IQGAP1: variants seen among roughly 807,000 people sequenced by gnomAD.
IQGAP1 encodes IQ motif containing GTPase activating protein 1, also known as ras GTPase-activating-like protein IQGAP1.
In IQGAP1, 66 loss-of-function variants were observed where a neutral mutation model predicts 215.6. The observed-to-expected ratio is 0.31, with a 90% CI of 0.25 to 0.38. The LOEUF (loss-of-function observed/expected upper bound fraction) is 0.38. Ranked by LOEUF, IQGAP1 falls within the 10% of genes least tolerant of loss-of-function variation. The probability of loss-of-function intolerance (pLI) is 1.00; values close to 1 mark genes in which losing one functional copy is unlikely to be tolerated. For missense variants in IQGAP1, 1,712 were observed against 1,997.1 expected (o/e 0.86, Z 2.72); for synonymous variants, 772 against 728.7 (o/e 1.06, Z -0.96).
Position 90,448,643 on chromosome 15 carries a change from G to GCTGTT in IQGAP1, c.985_986insTGTTC (p.Gln329LeufsTer21), listed in dbSNP as rs1388533941. The GCTGTT allele has an allele frequency of 1.2e-6, 2 of 1,612,064 alleles. No homozygotes were observed. The highest frequency in any genetic ancestry group is 2.7e-5 in the African/African-American group (2 of 74,838). On this transcript the variant is annotated frameshift_variant, in exon 10 of 38. Coordinates refer to ENST00000268182, the MANE Select transcript of IQGAP1 (RefSeq NM_003870.4). LOFTEE classifies it high-confidence loss of function. ...ATGCACTGGCCTTGTTCAGGGCTCTGCAGTCACCAGCCCTGGGGCTTCGAG... is the reference window on the plus strand; with the variant it reads ...ATGCACTGGCCTTGTTCAGGGCTCTGCTGTTCAGTCACCAGCCCTGGGGCTTCGAG...
chr15:90,395,058 A>T (rs1964693353), intron 2 of IQGAP1, among the ~76,000 whole-genome samples: 1 of 152,214 alleles, frequency 6.6e-6, no homozygotes, highest in Non-Finnish European at 1.5e-5. Context: ...CCTATAAATG[A>T]GCACTGGGAG....
intron 9 of IQGAP1, among the ~76,000 whole-genome samples, chr15:90,444,595 T>C (rs1025368944): frequency 1.3e-5 from 2 of 152,236 alleles, no homozygotes; most frequent in South Asian, 4.1e-4. Flanking sequence ...CCAAAACATA[T>C]TTAAACAAAA....
At chr15:90,392,464 G>A (rs1372703886) in intron 2 of IQGAP1, among the ~76,000 whole-genome samples, 1 of 152,210 alleles carries the variant, frequency 6.6e-6, no homozygotes, top group Non-Finnish European at 1.5e-5. Context: ...TGTGCTCTGT[G>A]GAGCTTTGGT....
chr15:90,441,431 C>T, intron 7 of IQGAP1, 75 bp from the exon 8 acceptor site: 3 of 1,309,530 alleles, frequency 2.3e-6, no homozygotes, highest in South Asian at 2.7e-5. Context: ...ATGTTGCTTT[C>T]TGTTGTGATA....
intron 36 of IQGAP1, chr15:90,496,865 C>G (rs537949736): frequency 4.9e-5 from 8 of 164,834 alleles, no homozygotes; most frequent in African/African-American, 1.9e-4. Context: ...TACACCCTCT[C>G]CTTCCCCAGT....
chr15:90,449,642 A>G lies in IQGAP1; in HGVS notation c.1161A>G (p.Arg387=). Residue 387 remains arginine, a splice_region_variant and synonymous_variant, in exon 11 of 38, where the codon AGA becomes AGG. Transcript: ENST00000268182. ...AANSAAQQYQ[R]RLAAVALINA... Reference sequence around the variant, plus strand: ...ACAGTGCTGCCCAGCAATATCAGAGAAGTAAGAGTCCATTGAAATTGTATG... The same window carrying G: ...ACAGTGCTGCCCAGCAATATCAGAGGAGTAAGAGTCCATTGAAATTGTATG... 2 of 1,609,302 alleles carry G rather than the reference A, an allele frequency of 1.2e-6. No individual in the cohort carries two copies. The highest frequency in any genetic ancestry group is 8.5e-7 in the Non-Finnish European group (1 of 1,177,492).
rs117029229 is a variant in IQGAP1, at chr15:90,479,336, A to G, written c.3329+1447A>G. 4.6e-3 allele frequency among the ~76,000 whole-genome samples: 701 copies of G among 152,210 alleles called. 3 individuals carry two copies. The highest frequency in any genetic ancestry group is 0.014 in the Middle Eastern group (4 of 294). Reference sequence around the variant, plus strand: ...TCAGTTTGTAGACTGGCACTGGTCCACACTTTGAATAACACTATTCTTCAT... The same window carrying G: ...TCAGTTTGTAGACTGGCACTGGTCCGCACTTTGAATAACACTATTCTTCAT... On this transcript the variant is annotated intron_variant, in intron 26 of 37. Coordinates refer to ENST00000268182, the MANE Select transcript of IQGAP1 (RefSeq NM_003870.4).
Position 90,441,543 on chromosome 15 carries a change from C to T in IQGAP1, c.687C>T (p.Asp229=). The change falls in exon 8 of 38, where the codon GAC becomes GAT. Residue 229 remains aspartate, a synonymous_variant. Coordinates refer to ENST00000268182, the MANE Select transcript of IQGAP1 (RefSeq NM_003870.4). ...TTATTGCTATTAATGAAGCTATTGA[C>T]CGTAGAATTCCAGCCGACACATTTG... The part of the protein sequence containing the change: ...AAVIAINEAI[D]RRIPADTFAA... 1 of 1,613,240 alleles carries T rather than the reference C, an allele frequency of 6.2e-7. No individual in the cohort carries two copies. Among genetic ancestry groups the T allele is most frequent in the Non-Finnish European group, 8.5e-7 (1 of 1,179,828 alleles).
chr15:90,389,145 T>C (rs1015874699), intron 1 of IQGAP1, among the ~76,000 whole-genome samples: 1 of 152,150 alleles, frequency 6.6e-6, no homozygotes, highest in Non-Finnish European at 1.5e-5. Flanking sequence ...CGTGAGGTAT[T>C]GTGCCACGTT....
chr15:90,473,813 A>G lies in IQGAP1; in HGVS notation c.2433+15A>G. 1 of 1,612,358 alleles carries G rather than the reference A, an allele frequency of 6.2e-7. No homozygotes were observed. Among genetic ancestry groups the G allele is most frequent in the Non-Finnish European group, 8.5e-7 (1 of 1,179,058 alleles). Reference sequence around the variant, plus strand: ...AAGTTGTAAAGGTATGGTAGCCTGAACAGGGTTTCTCCATGAGGGGCACAG... The same window carrying G: ...AAGTTGTAAAGGTATGGTAGCCTGAGCAGGGTTTCTCCATGAGGGGCACAG... On this transcript the variant is annotated intron_variant, in intron 20 of 37. Transcript: ENST00000268182.
At chr15:90,426,768 C>T (rs1403024494) in intron 3 of IQGAP1, among the ~76,000 whole-genome samples, 1 of 151,926 alleles carries the variant, frequency 6.6e-6, no homozygotes, top group African/African-American at 2.4e-5. Flanking sequence ...GCCTGACCAA[C>T]ATGGTGAAAC....
At chr15:90,391,828 T>A (rs1964640103) in intron 2 of IQGAP1, 1 of 152,198 alleles carries the variant, frequency 6.6e-6, no homozygotes, top group Non-Finnish European at 1.5e-5. Flanking sequence ...TAATTATAGA[T>A]CATGTATTCT....
At chr15:90,428,518 C>A (rs1195915875) in intron 3 of IQGAP1, among the ~76,000 whole-genome samples, 3 of 151,960 alleles carry the variant, frequency 2.0e-5, no homozygotes, top group Non-Finnish European at 2.9e-5. Flanking sequence ...GTGGCTCATG[C>A]CTGTAATCCC....
chr15:90,406,332 A>G (rs1337524711), intron 2 of IQGAP1, among the ~76,000 whole-genome samples: 1 of 152,162 alleles, frequency 6.6e-6, no homozygotes, highest in African/African-American at 2.4e-5. Context: ...ACGCCTGGCA[A>G]TTTTTTGTAT....
chr15:90,470,612 C>T (rs1370118670), intron 18 of IQGAP1, among the ~76,000 whole-genome samples: 1 of 152,112 alleles, frequency 6.6e-6, no homozygotes, highest in Non-Finnish European at 1.5e-5. Flanking sequence ...TCTGGCCTCA[C>T]CTACATTCAT....
intron 2 of IQGAP1, among the ~76,000 whole-genome samples, chr15:90,410,778 G>T (rs1376002250): frequency 6.6e-6 from 1 of 150,942 alleles, no homozygotes; most frequent in Non-Finnish European, 1.5e-5. Flanking sequence ...CACCAACATG[G>T]CACGTGTATA....
chr15:90,472,509 T>C (rs1965920140), intron 18 of IQGAP1, among the ~76,000 whole-genome samples: 2 of 152,170 alleles, frequency 1.3e-5, no homozygotes, highest in South Asian at 4.1e-4. Flanking sequence ...TGGGTACCTG[T>C]CACTCTGTTC....
rs1467544298 is a variant in IQGAP1 at position 90,429,633 on chromosome 15, G to T, written c.357G>T (p.Trp119Cys). Residue 119 changes from tryptophan to cysteine, a missense_variant, in exon 4 of 38, where the codon TGG (tryptophan) becomes TGT (cysteine). Around this residue, in one of 2 missense-constraint regions of IQGAP1, gnomAD observed 1,021 missense variants for 1,074.2 expected, o/e 0.95. Transcript: ENST00000268182. ...HFRHTDNVIQ[W>C]LNAMDEIGLP... The stretch of plus-strand genomic sequence containing the variant: ...GACACACTGATAATGTGATTCAGTG[G>T]TTGAATGCCATGGATGAGATTGGAT... 1 of 1,608,932 alleles carries T rather than the reference G, an allele frequency of 6.2e-7. No individual in the cohort carries two copies. The highest frequency in any genetic ancestry group is 8.5e-7 in the Non-Finnish European group (1 of 1,178,498).
chr15:90,431,808 C>G (rs1965307422), intron 4 of IQGAP1, among the ~76,000 whole-genome samples: 1 of 152,082 alleles, frequency 6.6e-6, no homozygotes, highest in South Asian at 2.1e-4. Context: ...ATTGGGATGT[C>G]TTTTCTAATC....
Sources: gnomAD v4.1 joint callset for allele counts (sites outside exome capture counted in the v4.1 genomes callset) on GRCh38, gnomAD v4.1.1 for gene constraint, gnomAD v4.1.1 regional missense constraint, MANE v1.5 for transcripts, NCBI Gene and HGNC (gene_info 2026-07-23, HGNC 2026-07-21) for gene names.